SNRK: variants seen among roughly 807,000 people sequenced by gnomAD.
SNRK encodes the protein SNF-related serine/threonine-protein kinase.
A neutral mutation model predicts 48.2 loss-of-function variants in SNRK; 3 were observed. The ratio of observed to expected loss-of-function variants is 0.06; its 90% CI spans 0.03 to 0.16. The LOEUF is 0.16. Ranked by LOEUF, SNRK falls within the 10% of genes least tolerant of loss-of-function variation. The pLI is 1.00. For missense variants in SNRK, 627 were observed against 976.0 expected (o/e 0.64, Z 4.76); for synonymous variants, 376 against 366.1 (o/e 1.03, Z -0.31).
At chr3:43,297,572 T>C (rs1215844601) in intron 1 of SNRK, among the ~76,000 whole-genome samples, 6 of 112,092 alleles carry the variant, frequency 5.4e-5, no homozygotes, top group Non-Finnish European at 5.0e-5. Flanking sequence ...GGATAATGGA[T>C]TTTTTTTTCA....
chr3:43,295,052 G>T (rs1280743488), intron 1 of SNRK, among the ~76,000 whole-genome samples: 4 of 152,104 alleles, frequency 2.6e-5, no homozygotes, highest in African/African-American at 7.2e-5. Context: ...CTACTTACAC[G>T]TAGGCAGAAA....
intron 2 of SNRK, among the ~76,000 whole-genome samples, chr3:43,302,105 G>T (rs1034514): frequency 0.011 from 1,658 of 152,262 alleles, 24 homozygotes; most frequent in Non-Finnish European, 0.018. Context: ...ATCACGTTAT[G>T]CTGGGTTGTG....
At chr3:43,288,636 C>T (rs1230134747) in intron 1 of SNRK, among the ~76,000 whole-genome samples, 1 of 152,118 alleles carries the variant, frequency 6.6e-6, no homozygotes, top group Admixed American at 6.5e-5. Context: ...GTTCTAAGTA[C>T]TGGTATAAAT....
At chr3:43,302,922 G>A (rs532457174) in intron 2 of SNRK, among the ~76,000 whole-genome samples, 176 bp from the exon 3 acceptor site, 1 of 151,388 alleles carries the variant, frequency 6.6e-6, no homozygotes, top group East Asian at 1.9e-4. Flanking sequence ...TTCAGCCTTT[G>A]TAATATAAAG....
intron 1 of SNRK, among the ~76,000 whole-genome samples, chr3:43,295,448 G>A (rs1423862663): frequency 1.3e-5 from 2 of 152,190 alleles, no homozygotes; most frequent in East Asian, 1.9e-4. Context: ...CAGCTACCTT[G>A]TCTTGGAAAA....
chr3:43,331,284 A>AT (rs1269077878), intron 3 of SNRK, among the ~76,000 whole-genome samples: 2 of 152,160 alleles, frequency 1.3e-5, no homozygotes, highest in East Asian at 3.9e-4. Context: ...CATCTTAAAA[A>AT]TTTTTTTTCA....
chr3:43,330,844 G>T (rs1158255378), intron 3 of SNRK, among the ~76,000 whole-genome samples: 1 of 152,088 alleles, frequency 6.6e-6, no homozygotes, highest in African/African-American at 2.4e-5. Context: ...CTTCAATTAC[G>T]TAAATGTTTA....
At chr3:43,342,465 A>C (rs2091244691) in intron 5 of SNRK, among the ~76,000 whole-genome samples, 1 of 152,164 alleles carries the variant, frequency 6.6e-6, no homozygotes, top group African/African-American at 2.4e-5. Flanking sequence ...TTCCTTTGTA[A>C]TCTCATGCCT....
intron 3 of SNRK, among the ~76,000 whole-genome samples, chr3:43,319,654 T>G (rs1262075437): frequency 1.3e-5 from 2 of 152,220 alleles, no homozygotes; most frequent in Non-Finnish European, 2.9e-5. Context: ...GACCATGTGT[T>G]TGTTTATATT....
At chr3:43,343,533 C>CTT (rs372669640) in intron 6 of SNRK, 55 bp downstream of exon 6, 4,346 of 1,294,120 alleles carry the variant, frequency 3.4e-3, no homozygotes, top group Non-Finnish European at 3.7e-3. Flanking sequence ...AAATAGCGAA[C>CTT]TTTTTTTTTT....
chr3:43,292,335 C>G (rs1039609546), intron 1 of SNRK, among the ~76,000 whole-genome samples: 24 of 152,154 alleles, frequency 1.6e-4, no homozygotes, highest in Admixed American at 4.6e-4. Context: ...TTCTGTGTTG[C>G]TTTCATGTTA....
rs758110192 is a variant in SNRK, at chr3:43,343,398, T to A, written c.999T>A (p.Ala333=). The change falls in exon 6 of 7, where the codon GCT becomes GCA. Residue 333 remains alanine, a synonymous_variant. Coordinates refer to ENST00000296088, the MANE Select transcript of SNRK (RefSeq NM_017719.5). The part of the protein sequence containing the change: ...NHITATYFLL[A]ERILREKQEK... ...TCACAGCCACATACTTCCTGCTGGC[T>A]GAAAGGATCCTGAGAGAAAAGCAAG... 7 of 1,614,054 alleles carry A rather than the reference T, an allele frequency of 4.3e-6. No individual in the cohort carries two copies. In the Admixed American group the frequency reaches 1.2e-4, roughly 27 times the overall value.
intron 4 of SNRK, 64 bp from the exon 5 acceptor site, chr3:43,340,223 T>G: frequency 8.1e-7 from 1 of 1,240,156 alleles, no homozygotes. Flanking sequence ...GTTAATAAAA[T>G]GATCCATCAT....
chr3:43,297,447 C>T (rs2090864333), intron 1 of SNRK, among the ~76,000 whole-genome samples: 1 of 151,982 alleles, frequency 6.6e-6, no homozygotes, highest in Non-Finnish European at 1.5e-5. Context: ...CCCCCAAGCC[C>T]GTAAGTATTA....
At chr3:43,312,290 A>G (rs1222698393) in intron 3 of SNRK, among the ~76,000 whole-genome samples, 3 of 152,230 alleles carry the variant, frequency 2.0e-5, no homozygotes, top group Admixed American at 2.0e-4. Flanking sequence ...ATATAAACAA[A>G]AAGCCTATAT....
At chr3:43,298,359 G>T (rs185096456) in intron 1 of SNRK, among the ~76,000 whole-genome samples, 1 of 152,222 alleles carries the variant, frequency 6.6e-6, no homozygotes, top group African/African-American at 2.4e-5. Context: ...AGCAGGCAAG[G>T]ATAGTGGAAG....
intron 3 of SNRK, among the ~76,000 whole-genome samples, chr3:43,314,363 T>A (rs1032479542): frequency 6.6e-6 from 1 of 152,302 alleles, no homozygotes; most frequent in African/African-American, 2.4e-5. Flanking sequence ...CTATCTGAAA[T>A]GAATTGCCTT....
chr3:43,286,928 G>C (rs1184728994), intron 1 of SNRK, among the ~76,000 whole-genome samples: 8 of 145,384 alleles, frequency 5.5e-5, no homozygotes, highest in Non-Finnish European at 1.1e-4. Context: ...GGCCCGGCGG[G>C]AGCCGTCACT....
At chr3:43,318,833 G>A (rs2091032225) in intron 3 of SNRK, among the ~76,000 whole-genome samples, 1 of 152,032 alleles carries the variant, frequency 6.6e-6, no homozygotes. Flanking sequence ...TTCGAGACCA[G>A]CCTGGCCAAG....
Sources: allele counts gnomAD v4.1 joint callset (sites outside exome capture counted in the v4.1 genomes callset), GRCh38; gene constraint gnomAD v4.1.1; transcripts MANE v1.5; gene names NCBI Gene and HGNC (gene_info 2026-07-23, HGNC 2026-07-21).